NRXN3: variants seen among roughly 807,000 people sequenced by gnomAD.
The protein encoded by NRXN3 is neurexin III.
In NRXN3, 32 loss-of-function variants were observed where a neutral mutation model predicts 137.6. The observed-to-expected ratio is 0.23, with a 90% CI of 0.18 to 0.31. NRXN3 has a LOEUF of 0.31. Among genes scored for constraint, NRXN3 ranks in the 10% least tolerant of loss-of-function variants. The pLI, the probability that NRXN3 is intolerant of heterozygous loss-of-function variation, is 1.00. For synonymous variants in NRXN3, 798 were observed against 784.5 expected (o/e 1.02, Z -0.29); for missense variants, 1,574 against 2,062.5 (o/e 0.76, Z 4.59).
intron 3 of NRXN3, among the ~76,000 whole-genome samples, chr14:78,286,027 A>G (rs1055472699): frequency 6.6e-6 from 1 of 152,128 alleles, no homozygotes; most frequent in African/African-American, 2.4e-5. Context: ...AGGGATGCAG[A>G]TCACTGGGCC....
chr14:78,805,164 CTTT>C (rs973612310), intron 9 of NRXN3, among the ~76,000 whole-genome samples: 1 of 149,148 alleles, frequency 6.7e-6, no homozygotes, highest in Non-Finnish European at 1.5e-5. Flanking sequence ...TTAGTTATGT[CTTT>C]TTTTTTTCTT....
At chr14:79,518,751 T>C (rs540576685) in intron 16 of NRXN3, among the ~76,000 whole-genome samples, 8 of 152,174 alleles carry the variant, frequency 5.3e-5, no homozygotes, top group Non-Finnish European at 7.4e-5. Flanking sequence ...GTAATGATAT[T>C]GTGGATACTT....
At chr14:79,443,198 T>C (rs988098710) in intron 15 of NRXN3, among the ~76,000 whole-genome samples, 3 of 152,250 alleles carry the variant, frequency 2.0e-5, no homozygotes, top group African/African-American at 7.2e-5. Flanking sequence ...ACTTCCTCCT[T>C]GCACAGTTGA....
intron 16 of NRXN3, among the ~76,000 whole-genome samples, chr14:79,482,039 TG>T (rs1407457187): frequency 6.6e-6 from 1 of 152,118 alleles, no homozygotes; most frequent in Non-Finnish European, 1.5e-5. Context: ...TAGGAGTAAG[TG>T]GGAAAGTTGC....
At chr14:79,263,732 G>GA (rs1459002138) in intron 15 of NRXN3, among the ~76,000 whole-genome samples, 7 of 151,688 alleles carry the variant, frequency 4.6e-5, no homozygotes, top group South Asian at 2.1e-4. Flanking sequence ...TTTTTTTCCA[G>GA]AAAAAAAATG....
intron 16 of NRXN3, among the ~76,000 whole-genome samples, chr14:79,596,001 G>A (rs1028947661): frequency 6.6e-6 from 1 of 151,230 alleles, no homozygotes; most frequent in Non-Finnish European, 1.5e-5. Context: ...TGCCGTGGGG[G>A]AACGGGTCTC....
intron 4 of NRXN3, among the ~76,000 whole-genome samples, chr14:78,620,688 A>C (rs74339418): frequency 0.042 from 6,469 of 152,286 alleles, 335 homozygotes; most frequent in African/African-American, 0.12. Flanking sequence ...GCTGCTGCTG[A>C]TGATGATTTG....
intron 15 of NRXN3, among the ~76,000 whole-genome samples, chr14:79,406,548 C>T (rs2095317278): frequency 6.6e-6 from 1 of 151,984 alleles, no homozygotes; most frequent in Admixed American, 6.6e-5. Flanking sequence ...AGCAATTCAC[C>T]CTCCTCGGCC....
At chr14:78,685,695 T>G (rs976010141) in intron 6 of NRXN3, among the ~76,000 whole-genome samples, 1 of 149,230 alleles carries the variant, frequency 6.7e-6, no homozygotes, top group African/African-American at 2.5e-5. Context: ...TGCAATGGCA[T>G]GATCTCAGCC....
At chr14:78,601,892 A>G (rs1228536561) in intron 4 of NRXN3, among the ~76,000 whole-genome samples, 1 of 152,224 alleles carries the variant, frequency 6.6e-6, no homozygotes, top group Non-Finnish European at 1.5e-5. Context: ...TAACATGCTC[A>G]GTTAAATTTC....
intron 16 of NRXN3, among the ~76,000 whole-genome samples, chr14:79,637,726 G>GTTTTTTTTTT (rs1447669099): frequency 7.5e-5 from 7 of 92,986 alleles, no homozygotes; most frequent in African/African-American, 3.4e-4. Flanking sequence ...ATATAGAAAA[G>GTTTTTTTTTT]TTCTTTTTTT....
rs557410569 is a variant in NRXN3, at chr14:79,846,534, G to A, written c.4094-14808G>A. On this transcript the variant is annotated intron_variant, in intron 20 of 20. Transcript: ENST00000335750. The stretch of plus-strand genomic sequence containing the variant: ...AGAAGGAAGAGAGAATGGATAAAAC[G>A]TTACAGAAGACAGTATTACATTTTA... Among the ~76,000 whole-genome samples the A allele has an allele frequency of 1.2e-4, 18 of 152,278 alleles. No individual in the cohort carries two copies. The East Asian group carries it at 3.1e-3, about 26-fold the overall frequency.
Position 78,881,820 on chromosome 14 carries a change from T to G in NRXN3, c.2275+71476T>G, listed in dbSNP as rs116106049. On this transcript the variant is annotated intron_variant, in intron 10 of 20. Transcript: ENST00000335750. ...TTCAAGCCAGCTGCAGAAATTTGCA[T>G]AAGTAATGAACCAAATGTTAATCAC... 6.2e-3 allele frequency among the ~76,000 whole-genome samples: 944 copies of G among 151,726 alleles called. 40 individuals are homozygous for G. Among genetic ancestry groups the G allele is most frequent in the African/African-American group, 0.022 (905 of 41,046 alleles).
chr14:79,304,152 G>T (rs1201446624), intron 15 of NRXN3, among the ~76,000 whole-genome samples: 1 of 152,064 alleles, frequency 6.6e-6, no homozygotes, highest in Non-Finnish European at 1.5e-5. Context: ...GAGATTGGTG[G>T]TGTGGGATGA....
chr14:79,636,264 C>T (rs2098402675), intron 16 of NRXN3, among the ~76,000 whole-genome samples: 1 of 152,210 alleles, frequency 6.6e-6, no homozygotes, highest in South Asian at 2.1e-4. Flanking sequence ...CATGTTATAA[C>T]TGTACTTTTT....
At chr14:78,878,474 G>A (rs964572431) in intron 10 of NRXN3, among the ~76,000 whole-genome samples, 4 of 152,142 alleles carry the variant, frequency 2.6e-5, no homozygotes, top group Non-Finnish European at 5.9e-5. Context: ...TGTTTTGTGT[G>A]TAGGTAATTT....
At chr14:78,755,604 A>T (rs2098664665) in intron 8 of NRXN3, among the ~76,000 whole-genome samples, 1 of 152,218 alleles carries the variant, frequency 6.6e-6, no homozygotes, top group South Asian at 2.1e-4. Context: ...TTGTGAATTT[A>T]CAAGTTTCTT....
chr14:79,057,168 A>G (rs1306214764), intron 15 of NRXN3, among the ~76,000 whole-genome samples: 2 of 152,232 alleles, frequency 1.3e-5, no homozygotes, highest in Non-Finnish European at 2.9e-5. Context: ...CTGAGGATTC[A>G]TGCTGCTATA....
chr14:79,112,092 T>C (rs187794428), intron 15 of NRXN3, among the ~76,000 whole-genome samples: 2 of 152,342 alleles, frequency 1.3e-5, no homozygotes, highest in Non-Finnish European at 2.9e-5. Context: ...TATTCTATCA[T>C]TTTATTTTTA....
Sources: gnomAD v4.1 joint callset for allele counts (sites outside exome capture counted in the v4.1 genomes callset) on GRCh38, gnomAD v4.1.1 for gene constraint, MANE v1.5 for transcripts, NCBI Gene and HGNC (gene_info 2026-07-23, HGNC 2026-07-21) for gene names.